KLC4: variants seen among roughly 807,000 people sequenced by gnomAD.
KLC4 encodes kinesin light chain 4, also known as kinesin-like protein 8.
In KLC4, 49 loss-of-function variants were observed where a neutral mutation model predicts 77.2. The observed-to-expected ratio is 0.63, with a 90% CI of 0.50 to 0.80. The LOEUF (loss-of-function observed/expected upper bound fraction) is 0.80. Among genes scored for constraint, KLC4 ranks in the 30% least tolerant of loss-of-function variants. The pLI, the probability that KLC4 is intolerant of heterozygous loss-of-function variation, is 0.00. For missense variants in KLC4, 669 were observed against 793.5 expected, an observed-to-expected ratio of 0.84 and a Z score of 1.89; for synonymous variants, 274 against 314.5, an observed-to-expected ratio of 0.87 and a Z score of 1.36.
rs1487211785 is a variant in KLC4, at chr6:43,059,658, G to A, written c.-53G>A. 7.4e-7 allele frequency: 1 copy of A among 1,355,556 alleles called. No homozygotes were observed. Among genetic ancestry groups the A allele is most frequent in the East Asian group, 2.8e-5 (1 of 35,738 alleles). 84.0% of individuals were successfully genotyped at this position (1,355,556 alleles called of 1,614,324 possible). A position where few individuals can be genotyped will look rare whatever the true frequency, so the allele number is the denominator to read the frequency against. The stretch of plus-strand genomic sequence containing the variant: ...GGATTTAAAGGGGCAGTACCGGCAA[G>A]AGCGGCAGCCACACCGGCAGATTGC... On this transcript the variant is annotated 5_prime_UTR_variant, in exon 1 of 16. Coordinates refer to ENST00000347162, the MANE Select transcript of KLC4 (RefSeq NM_201521.3).
chr6:43,074,952 C>G lies in KLC4; in HGVS notation c.*280C>G. The stretch of plus-strand genomic sequence containing the variant: ...GCAGGTATGGCCCTCAGAGATGCAG[C>G]CTGCTGCTGGCTTTTCAGTCAGAGG... On this transcript the variant is annotated 3_prime_UTR_variant, in exon 16 of 16. Coordinates refer to ENST00000347162, the MANE Select transcript of KLC4 (RefSeq NM_201521.3). 6.9e-6 allele frequency: 3 copies of G among 433,482 alleles called. No individual in the cohort carries two copies. Among genetic ancestry groups the G allele is most frequent in the Non-Finnish European group, 1.3e-5 (3 of 238,520 alleles). The allele number at this position is 433,482 out of a possible 1,614,324, so 26.9% of individuals were successfully genotyped here.
At chr6:43,060,319 G>A (rs755905781) in intron 1 of KLC4, 3 of 1,600,742 alleles carry the variant, frequency 1.9e-6, no homozygotes, top group Non-Finnish European at 2.6e-6. Context: ...CCCTTCCTGG[G>A]AGACAGTAGC....
chr6:43,072,817 C>T lies in KLC4; in HGVS notation c.1489-7C>T. The T allele has an allele frequency of 6.2e-7, 1 of 1,613,604 alleles. No homozygotes were observed. The highest frequency in any genetic ancestry group is 1.1e-5 in the South Asian group (1 of 91,052). On this transcript the variant is annotated splice_region_variant and splice_polypyrimidine_tract_variant and intron_variant, in intron 12 of 15. Coordinates refer to ENST00000347162, the MANE Select transcript of KLC4 (RefSeq NM_201521.3). ...AGGAAGTCCCAGGTCCTTCCTTTTC[C>T]TTCCAGGGCACTGACCCTATCAGCC... is the stretch of plus-strand genomic sequence containing the variant.
At position 43,074,594 on chromosome 6, in the gene KLC4, G is replaced by A. The variant is rs1054669666; in HGVS notation, c.1810-28G>A. 18 of 1,611,598 alleles carry A rather than the reference G, an allele frequency of 1.1e-5. No individual in the cohort carries two copies. In the Middle Eastern group the frequency reaches 1.2e-3, roughly 103 times the overall value. Reference sequence around the variant, plus strand: ...GTCTTTGGGAGGCCGAGGTCCCTGAGCTGATGGGGTAGTGTTGTCTGTTTC... The same window carrying A: ...GTCTTTGGGAGGCCGAGGTCCCTGAACTGATGGGGTAGTGTTGTCTGTTTC... On this transcript the variant is annotated intron_variant, in intron 15 of 15. Coordinates refer to ENST00000347162, the MANE Select transcript of KLC4 (RefSeq NM_201521.3).
chr6:43,059,698 G>T lies in KLC4; in HGVS notation c.-26+13G>T. 1 of 1,307,258 alleles carries T rather than the reference G, an allele frequency of 7.6e-7. No individual in the cohort carries two copies. Among genetic ancestry groups the T allele is most frequent in the Non-Finnish European group, 9.7e-7 (1 of 1,028,728 alleles). The allele number at this position is 1,307,258 out of a possible 1,614,324, so 81.0% of individuals were successfully genotyped here. ...CGGCAGATTGCAGGTGAGTCTTTGAGGGTATCCTGGGGCTGAAGGTTAAGG... is the reference window on the plus strand; with the variant it reads ...CGGCAGATTGCAGGTGAGTCTTTGATGGTATCCTGGGGCTGAAGGTTAAGG... On this transcript the variant is annotated intron_variant, in intron 1 of 15. Transcript: ENST00000347162.
intron 6 of KLC4, among the ~76,000 whole-genome samples, chr6:43,069,275 C>T (rs991602481): frequency 5.3e-5 from 8 of 152,002 alleles, no homozygotes; most frequent in Non-Finnish European, 1.0e-4. Context: ...GATGGAGTTT[C>T]GCAGTGTCAC....
intron 2 of KLC4, chr6:43,062,700 G>C (rs1487104466): frequency 3.4e-5 from 20 of 581,532 alleles, no homozygotes; most frequent in Non-Finnish European, 6.2e-5. Flanking sequence ...TAATAATTTG[G>C]GTAGGAATTG....
intron 4 of KLC4, among the ~76,000 whole-genome samples, 166 bp downstream of exon 4, chr6:43,065,867 A>G (rs1294191972): frequency 6.6e-6 from 1 of 152,216 alleles, no homozygotes; most frequent in Non-Finnish European, 1.5e-5. Flanking sequence ...CAGCCTCCCC[A>G]TTGAACGAAC....
At chr6:43,059,793 T>A in intron 1 of KLC4, 108 bp downstream of exon 1, 1 of 1,167,606 alleles carries the variant, frequency 8.6e-7, no homozygotes, top group Non-Finnish European at 1.1e-6. Context: ...CTTACAAAAC[T>A]CCAGCCTCCA....
intron 6 of KLC4, among the ~76,000 whole-genome samples, chr6:43,068,734 C>T (rs1210484905): frequency 6.6e-6 from 1 of 152,232 alleles, no homozygotes; most frequent in East Asian, 1.9e-4. Context: ...TCATTTGAAT[C>T]CGGGGGTTGG....
chr6:43,060,075 C>T, intron 1 of KLC4: 3 of 1,528,954 alleles, frequency 2.0e-6, no homozygotes. Context: ...CCCACTCCAG[C>T]GCCGCGGTTC....
chr6:43,072,085 G>A (rs1554143811), intron 11 of KLC4, 62 bp from the exon 12 acceptor site: 2 of 1,477,564 alleles, frequency 1.4e-6, no homozygotes, highest in South Asian at 1.1e-5. Context: ...TTGCTTGGAA[G>A]ACAAATGTTT....
At position 43,067,018 on chromosome 6, in the gene KLC4, G is replaced by T. The variant is rs1411461414; in HGVS notation, c.814G>T (p.Ala272Ser). The T allele has an allele frequency of 6.2e-7, 1 of 1,613,756 alleles. No individual in the cohort carries two copies. Among genetic ancestry groups the T allele is most frequent in the Non-Finnish European group, 8.5e-7 (1 of 1,179,822 alleles). The change falls in exon 6 of 16, where the codon GCT (alanine) becomes TCT (serine). Residue 272 changes from alanine to serine, a missense_variant. Ala to Ser is a moderately conservative substitution (Grantham distance 99, BLOSUM62 1). Coordinates refer to ENST00000347162, the MANE Select transcript of KLC4 (RefSeq NM_201521.3). ...VYRDQNKYKE[A>S]AHLLNDALSI... ...CAGTGACCAGAATAAGTATAAGGAA[G>T]CTGCCCACCTGCTGAATGATGCCCT...
intron 14 of KLC4, 102 bp from the exon 15 acceptor site, chr6:43,073,800 G>A (rs920397749): frequency 8.3e-6 from 8 of 963,836 alleles, no homozygotes; most frequent in Non-Finnish European, 1.3e-5. Flanking sequence ...GAGAGTTTGG[G>A]TAGAATGGGT....
chr6:43,061,201 G>A, intron 1 of KLC4, 110 bp from the exon 2 acceptor site: 1 of 1,142,296 alleles, frequency 8.8e-7, no homozygotes, highest in Non-Finnish European at 1.3e-6. Context: ...TAAGCCACAG[G>A]GTCACTCTTA....
chr6:43,068,111 CAAA>C (rs763158428), intron 6 of KLC4, among the ~76,000 whole-genome samples: 1 of 25,234 alleles, frequency 4.0e-5, no homozygotes, highest in Non-Finnish European at 6.8e-5. Context: ...GACTCCGTCT[CAAA>C]AAAAAAAAAA....
intron 3 of KLC4, among the ~76,000 whole-genome samples, chr6:43,064,304 G>C (rs1765309375): frequency 6.6e-6 from 1 of 152,340 alleles, no homozygotes; most frequent in South Asian, 2.1e-4. Context: ...AATGGTCTAA[G>C]AAGAATTCAT....
intron 1 of KLC4, chr6:43,059,981 G>A (rs2150348583): frequency 8.1e-7 from 1 of 1,239,142 alleles, no homozygotes; most frequent in Non-Finnish European, 1.0e-6. Context: ...TGCCGCCCCC[G>A]CCCATCTCAC....
chr6:43,067,618 C>T (rs1482404925), intron 6 of KLC4, among the ~76,000 whole-genome samples: 3 of 150,710 alleles, frequency 2.0e-5, no homozygotes, highest in African/African-American at 7.3e-5. Context: ...CATGGTGAAA[C>T]CCCATCTCTA....
Sources: gnomAD v4.1 joint callset for allele counts (sites outside exome capture counted in the v4.1 genomes callset) on GRCh38, gnomAD v4.1.1 for gene constraint, MANE v1.5 for transcripts, NCBI Gene and HGNC (gene_info 2026-07-23, HGNC 2026-07-21) for gene names.